The following TSPEAR variants were observed in gnomAD, a reference collection of about 807,000 sequenced individuals.
TSPEAR encodes the protein thrombospondin-type laminin G domain and EAR repeat-containing protein.
A neutral mutation model predicts 71.6 loss-of-function variants in TSPEAR; 69 were observed. That is an observed-to-expected ratio of 0.96 (90% CI 0.79 to 1.18). The LOEUF is 1.18. TSPEAR is among the 50% of genes most tolerant of loss of function. The probability of loss-of-function intolerance (pLI) is 0.00; values close to 1 mark genes in which losing one functional copy is unlikely to be tolerated. For missense variants in TSPEAR, 971 were observed against 894.9 expected (o/e 1.09, Z -1.09); for synonymous variants, 402 against 387.2 (o/e 1.04, Z -0.45).
chr21:44,603,209 G>A lies in TSPEAR; in HGVS notation c.83-35204C>T, dbSNP rs114364729. Among the ~76,000 whole-genome samples the A allele has an allele frequency of 7.9e-3, 1,195 of 152,210 alleles. 18 individuals carry two copies. The highest frequency in any genetic ancestry group is 0.027 in the African/African-American group (1,129 of 41,520). Reference sequence around the variant, plus strand: ...CTGGCGTGGGGCTGGAGCACCAGCTGGCAAGGAATAAGCCCCCACATGTCC... The same window carrying A: ...CTGGCGTGGGGCTGGAGCACCAGCTAGCAAGGAATAAGCCCCCACATGTCC... On this transcript the variant is annotated intron_variant, in intron 1 of 11. Transcript: ENST00000323084.
chr21:44,659,049 G>A (rs1319046298), intron 1 of TSPEAR, among the ~76,000 whole-genome samples: 8 of 152,156 alleles, frequency 5.3e-5, no homozygotes, highest in African/African-American at 1.9e-4. Flanking sequence ...GTCGAAGAAA[G>A]TCTCATTCTC....
At chr21:44,511,264 G>T (rs2052366467) in intron 9 of TSPEAR, among the ~76,000 whole-genome samples, 1 of 152,142 alleles carries the variant, frequency 6.6e-6, no homozygotes, top group South Asian at 2.1e-4. Flanking sequence ...ACACCTGCAT[G>T]TATGCATACA....
chr21:44,592,319 C>A lies in TSPEAR; in HGVS notation c.83-24314G>T. The A allele has an allele frequency of 6.8e-7, 1 of 1,460,452 alleles. No homozygotes were observed. The highest frequency in any genetic ancestry group is 2.4e-5 in the East Asian group (1 of 42,352). 90.5% of individuals were successfully genotyped at this position (1,460,452 alleles called of 1,614,324 possible). ...GACACACGGCTCACTGGGGTGCAGA[C>A]CAGGCTCAGGCAGGGGGCCGGGGCG... On this transcript the variant is annotated intron_variant, in intron 1 of 11. Transcript: ENST00000323084.
chr21:44,703,065 G>C (rs1987734134), intron 1 of TSPEAR, among the ~76,000 whole-genome samples: 1 of 151,998 alleles, frequency 6.6e-6, no homozygotes, highest in East Asian at 1.9e-4. Flanking sequence ...GAGGTCCCTG[G>C]CCCCCCCTGC....
intron 1 of TSPEAR, among the ~76,000 whole-genome samples, chr21:44,653,964 A>T (rs1984963522): frequency 6.6e-6 from 1 of 152,198 alleles, no homozygotes; most frequent in Non-Finnish European, 1.5e-5. Flanking sequence ...TGGGAAAGAC[A>T]CTGAGGAGAA....
chr21:44,573,102 C>A (rs1178734330), intron 1 of TSPEAR, among the ~76,000 whole-genome samples: 2 of 152,154 alleles, frequency 1.3e-5, no homozygotes, highest in African/African-American at 4.8e-5. Context: ...GTGTGACCAG[C>A]CAGTTTGTGG....
rs373921419 is a variant in TSPEAR at position 44,638,865 on chromosome 21, G to A, written c.83-70860C>T. Among the ~76,000 whole-genome samples the A allele has an allele frequency of 5.9e-5, 9 of 152,014 alleles. 1 individual carries two copies. The highest frequency in any genetic ancestry group is 2.0e-4 in the Admixed American group (3 of 15,250). On this transcript the variant is annotated intron_variant, in intron 1 of 11. Coordinates refer to ENST00000323084, the MANE Select transcript of TSPEAR (RefSeq NM_144991.3). Reference sequence around the variant, plus strand: ...GCCTGGGGTAGACCACCTGGGGCCTGGCTCCACCCAGCAGCCTCACCCCTC... The same window carrying A: ...GCCTGGGGTAGACCACCTGGGGCCTAGCTCCACCCAGCAGCCTCACCCCTC...
Position 44,499,620 on chromosome 21 carries a change from C to T in TSPEAR, c.*163G>A. On this transcript the variant is annotated 3_prime_UTR_variant, in exon 12 of 12. Coordinates refer to ENST00000323084, the MANE Select transcript of TSPEAR (RefSeq NM_144991.3). The stretch of plus-strand genomic sequence containing the variant: ...AAGGACTCAGAGGTGGATGGATGTC[C>T]CTGCCCGAACCAGGGCCGCAGATGG... 1 of 664,918 alleles carries T rather than the reference C, an allele frequency of 1.5e-6. No individual in the cohort carries two copies. Among genetic ancestry groups the T allele is most frequent in the Non-Finnish European group, 2.4e-6 (1 of 414,646 alleles). 41.2% of individuals were successfully genotyped at this position (664,918 alleles called of 1,614,324 possible).
chr21:44,647,365 C>A, intron 1 of TSPEAR: 1 of 1,611,234 alleles, frequency 6.2e-7, no homozygotes, highest in Non-Finnish European at 8.5e-7. Context: ...AGTGCTCAAT[C>A]CTTGTCTCCT....
intron 1 of TSPEAR, among the ~76,000 whole-genome samples, chr21:44,672,333 G>A (rs1226265219): frequency 9.8e-5 from 15 of 152,328 alleles, no homozygotes; most frequent in African/African-American, 3.6e-4. Context: ...CACTTTGGGA[G>A]GCTAAGGCGG....
chr21:44,638,086 G>A lies in TSPEAR; in HGVS notation c.83-70081C>T, dbSNP rs138909294. On this transcript the variant is annotated intron_variant, in intron 1 of 11. Coordinates refer to ENST00000323084, the MANE Select transcript of TSPEAR (RefSeq NM_144991.3). ...CCTGCCAGCCCAGCTGCTGCCGCAC[G>A]GCCTCCTGTGTTTCCCTCCTCTGCC... 1,768 of 1,613,430 alleles carry A rather than the reference G, an allele frequency of 1.1e-3. 3 individuals carry two copies. The African/African-American group carries it at 0.021, about 19-fold the overall frequency.
chr21:44,558,216 C>T (rs782114716), intron 2 of TSPEAR: 16 of 1,565,058 alleles, frequency 1.0e-5, no homozygotes, highest in African/African-American at 1.4e-5. Context: ...GCAGGTGGAC[C>T]TGCACACGGG....
chr21:44,700,929 G>A (rs572712211), intron 1 of TSPEAR, among the ~76,000 whole-genome samples: 5 of 152,228 alleles, frequency 3.3e-5, no homozygotes, highest in Middle Eastern at 3.4e-3. Context: ...ATATTCCAAG[G>A]TCGTGCAAGC....
intron 1 of TSPEAR, among the ~76,000 whole-genome samples, chr21:44,670,377 TAAC>T (rs1555945673): frequency 6.6e-6 from 1 of 151,568 alleles, no homozygotes; most frequent in East Asian, 1.9e-4. Flanking sequence ...GAGTGAGAGG[TAAC>T]AACATTTTGA....
chr21:44,499,609 G>A lies in TSPEAR; in HGVS notation c.*174C>T. On this transcript the variant is annotated 3_prime_UTR_variant, in exon 12 of 12. Transcript: ENST00000323084. ...CTGTGGCTCAGAAGGACTCAGAGGT[G>A]GATGGATGTCCCTGCCCGAACCAGG... 2 of 614,200 alleles carry A rather than the reference G, an allele frequency of 3.3e-6. No individual in the cohort carries two copies. The highest frequency in any genetic ancestry group is 2.1e-5 in the South Asian group (1 of 47,298). 38.0% of individuals were successfully genotyped at this position (614,200 alleles called of 1,614,324 possible).
At chr21:44,606,020 A>G (rs587652292) in intron 1 of TSPEAR, among the ~76,000 whole-genome samples, 1 of 152,238 alleles carries the variant, frequency 6.6e-6, no homozygotes, top group African/African-American at 2.4e-5. Flanking sequence ...CAACCCATGG[A>G]TTGGGAAAAA....
intron 9 of TSPEAR, chr21:44,517,516 G>T: frequency 3.1e-6 from 1 of 318,324 alleles, no homozygotes; most frequent in Non-Finnish European, 6.2e-6. Context: ...AATGAGCTGT[G>T]AGGACACGTG....
chr21:44,516,774 C>G (rs587628914), intron 9 of TSPEAR, among the ~76,000 whole-genome samples: 4 of 152,216 alleles, frequency 2.6e-5, no homozygotes, highest in African/African-American at 9.6e-5. Context: ...CTTAAAATCA[C>G]AGGACGGGTT....
At chr21:44,584,486 C>T (rs1555925489) in intron 1 of TSPEAR, among the ~76,000 whole-genome samples, 1 of 152,160 alleles carries the variant, frequency 6.6e-6, no homozygotes, top group African/African-American at 2.4e-5. Flanking sequence ...TTTTAATTTG[C>T]TGAGGAGCTT....
Sources: gnomAD v4.1 joint callset for allele counts (sites outside exome capture counted in the v4.1 genomes callset) on GRCh38, gnomAD v4.1.1 for gene constraint, MANE v1.5 for transcripts, NCBI Gene and HGNC (gene_info 2026-07-23, HGNC 2026-07-21) for gene names.